Variants in SUCLG2 observed in about 807,000 individuals in gnomAD.
SUCLG2 encodes succinate-CoA ligase GDP-forming subunit beta.
In SUCLG2, 42 loss-of-function variants were observed where a neutral mutation model predicts 47.9. That is an observed-to-expected ratio of 0.88 (90% CI 0.69 to 1.14). The LOEUF is 1.14. Ranked by LOEUF, SUCLG2 falls within the 50% of genes most tolerant of loss-of-function variation. The probability of loss-of-function intolerance (pLI) is 0.00; values close to 1 mark genes in which losing one functional copy is unlikely to be tolerated. For missense variants in SUCLG2, 571 were observed against 525.9 expected (o/e 1.09, Z -0.84); for synonymous variants, 195 against 197.3 (o/e 0.99, Z 0.10).
In SUCLG2 at chr3:67,585,372, A is replaced by G. The variant is rs2045543593; in HGVS notation, c.226+24083T>C. On this transcript the variant is annotated intron_variant, in intron 2 of 10. Coordinates refer to ENST00000307227, the MANE Select transcript of SUCLG2 (RefSeq NM_003848.4). ...AAAACACATGGTCTTGACCATGGAA[A>G]GAACATGAAGCGGACACTCAGTGCT... is the stretch of plus-strand genomic sequence containing the variant. Among the ~76,000 whole-genome samples, 6 of 152,358 alleles carry G rather than the reference A, an allele frequency of 3.9e-5. No homozygotes were observed. The South Asian group carries it at 1.0e-3, about 26-fold the overall frequency.
chr3:67,468,149 C>G (rs1575716537), intron 9 of SUCLG2, among the ~76,000 whole-genome samples: 2 of 152,286 alleles, frequency 1.3e-5, no homozygotes, highest in Middle Eastern at 6.8e-3. Flanking sequence ...CTCACTCAAA[C>G]TTGTTTTCTG....
At chr3:67,450,228 G>T (rs1429884923) in intron 9 of SUCLG2, among the ~76,000 whole-genome samples, 1 of 152,100 alleles carries the variant, frequency 6.6e-6, no homozygotes, top group Non-Finnish European at 1.5e-5. Flanking sequence ...ATTTTTTTGA[G>T]ATGAGGTTTT....
At chr3:67,534,075 T>A (rs1204939196) in intron 2 of SUCLG2, among the ~76,000 whole-genome samples, 1 of 152,122 alleles carries the variant, frequency 6.6e-6, no homozygotes, top group Non-Finnish European at 1.5e-5. Context: ...CACTTTCAAG[T>A]ATAAGTACAA....
At chr3:67,385,070 C>T (rs1490335905) in intron 10 of SUCLG2, among the ~76,000 whole-genome samples, 2 of 152,110 alleles carry the variant, frequency 1.3e-5, no homozygotes, top group East Asian at 1.9e-4. Context: ...TGTGCTCGCT[C>T]GCTCTTTTTG....
chr3:67,553,575 C>T (rs1707074605), intron 2 of SUCLG2, among the ~76,000 whole-genome samples: 1 of 152,092 alleles, frequency 6.6e-6, no homozygotes, highest in Non-Finnish European at 1.5e-5. Context: ...TTTAATTTTT[C>T]TTAAACATTT....
intron 2 of SUCLG2, among the ~76,000 whole-genome samples, chr3:67,552,656 A>G (rs758488776): frequency 1.3e-5 from 2 of 152,238 alleles, no homozygotes; most frequent in African/African-American, 4.8e-5. Flanking sequence ...GTAAAACTGG[A>G]TAAGTCACTT....
In SUCLG2 at chr3:67,427,282, G is replaced by C. The variant is rs183056995; in HGVS notation, c.1063-26431C>G. ...CAGGCTTTAAAATAACTTTGAGGAG[G>C]AGAAGCCCTTGACAAGAAAGTAAAC... On this transcript the variant is annotated intron_variant, in intron 9 of 10. Transcript: ENST00000307227. Among the ~76,000 whole-genome samples the C allele has an allele frequency of 2.6e-5, 4 of 152,258 alleles. No homozygotes were observed. In the East Asian group the frequency reaches 7.7e-4, roughly 29 times the overall value.
intron 9 of SUCLG2, among the ~76,000 whole-genome samples, chr3:67,406,119 C>T (rs76251747): frequency 6.6e-6 from 1 of 152,054 alleles, no homozygotes; most frequent in Non-Finnish European, 1.5e-5. Context: ...ATGAGAAAAC[C>T]AAGACTCAGA....
At chr3:67,395,468 A>T (rs995416701) in intron 10 of SUCLG2, among the ~76,000 whole-genome samples, 4 of 152,166 alleles carry the variant, frequency 2.6e-5, no homozygotes, top group Non-Finnish European at 5.9e-5. Flanking sequence ...AACAAGAAGA[A>T]CTAACTATCC....
intron 2 of SUCLG2, among the ~76,000 whole-genome samples, chr3:67,585,456 C>T (rs775395558): frequency 1.3e-5 from 2 of 152,170 alleles, no homozygotes; most frequent in Non-Finnish European, 2.9e-5. Context: ...AAAATGATGG[C>T]ACTGTAAATA....
intron 2 of SUCLG2, among the ~76,000 whole-genome samples, chr3:67,553,739 A>G (rs748332240): frequency 2.0e-5 from 3 of 152,204 alleles, no homozygotes; most frequent in Non-Finnish European, 2.9e-5. Context: ...AAGCATTGCA[A>G]TATTGTTTAT....
Position 67,375,764 on chromosome 3 carries a change from C to CCA in SUCLG2, c.1277_1278dup (p.Ala427TrpfsTer23). The CCA allele has an allele frequency of 6.2e-7, 1 of 1,613,522 alleles. No individual in the cohort carries two copies. Among genetic ancestry groups the CCA allele is most frequent in the South Asian group, 1.1e-5 (1 of 90,962 alleles). On this transcript the variant is annotated frameshift_variant, in exon 11 of 11. Coordinates refer to ENST00000307227, the MANE Select transcript of SUCLG2 (RefSeq NM_003848.4). LOFTEE classifies it high-confidence loss of function. Reference sequence around the variant, plus strand: ...AGACATCACTTCTTGGCCACACTGGCCACAGCCTTCTTGGCTGCATCCTCC... The same window carrying CCA: ...AGACATCACTTCTTGGCCACACTGGCCACACAGCCTTCTTGGCTGCATCCTCC...
chr3:67,483,770 G>A (rs528785909), intron 9 of SUCLG2, among the ~76,000 whole-genome samples: 5 of 152,216 alleles, frequency 3.3e-5, no homozygotes, highest in Admixed American at 2.6e-4. Context: ...TTCACAAAGG[G>A]GTCTTTGCAG....
intron 9 of SUCLG2, among the ~76,000 whole-genome samples, chr3:67,424,768 C>G (rs1453344830): frequency 6.6e-6 from 1 of 152,100 alleles, no homozygotes; most frequent in Non-Finnish European, 1.5e-5. Flanking sequence ...TGGAGGACCC[C>G]AAATGAACTG....
intron 7 of SUCLG2, among the ~76,000 whole-genome samples, chr3:67,508,559 C>T (rs892212045): frequency 6.6e-6 from 1 of 152,086 alleles, no homozygotes; most frequent in Non-Finnish European, 1.5e-5. Context: ...CATGAGCCAC[C>T]ACACCAAGCC....
At chr3:67,650,985 ACAC>A (rs147207687) in intron 1 of SUCLG2, among the ~76,000 whole-genome samples, 1,614 of 152,220 alleles carry the variant, frequency 0.011, 26 homozygotes, top group African/African-American at 0.037. Flanking sequence ...TGGCTATATT[ACAC>A]CACCAAGTAC....
chr3:67,411,669 C>T (rs1426951573), intron 9 of SUCLG2, among the ~76,000 whole-genome samples: 1 of 152,060 alleles, frequency 6.6e-6, no homozygotes, highest in African/African-American at 2.4e-5. Flanking sequence ...AATTTACTGC[C>T]AAATTTCTTT....
intron 9 of SUCLG2, among the ~76,000 whole-genome samples, chr3:67,471,537 T>C (rs980299550): frequency 2.6e-5 from 4 of 152,094 alleles, no homozygotes; most frequent in Non-Finnish European, 1.5e-5. Context: ...ACAGGGAAAG[T>C]AGCCAGAGAG....
chr3:67,599,242 C>T (rs980984774), intron 2 of SUCLG2, among the ~76,000 whole-genome samples: 2 of 152,114 alleles, frequency 1.3e-5, no homozygotes, highest in African/African-American at 4.8e-5. Context: ...AAGGCGAACT[C>T]CAGAGTCATC....
Sources: gnomAD v4.1 joint callset for allele counts (sites outside exome capture counted in the v4.1 genomes callset) on GRCh38, gnomAD v4.1.1 for gene constraint, MANE v1.5 for transcripts, NCBI Gene and HGNC (gene_info 2026-07-23, HGNC 2026-07-21) for gene names.